MMP16: variants seen among roughly 807,000 people sequenced by gnomAD.
MMP16 encodes the protein matrix metalloproteinase-16.
MMP16 carries 12 observed loss-of-function variants against 67.8 expected under a neutral mutation model. The observed-to-expected ratio is 0.18, with a 90% CI of 0.11 to 0.29. The LOEUF (loss-of-function observed/expected upper bound fraction) is 0.29, where lower values mean the gene tolerates loss of function less well. Among genes scored for constraint, MMP16 ranks in the 10% least tolerant of loss-of-function variants. MMP16 has a pLI of 1.00. For synonymous variants in MMP16, 249 were observed against 255.9 expected, an observed-to-expected ratio of 0.97 and a Z score of 0.26; for missense variants, 475 against 765.7, an observed-to-expected ratio of 0.62 and a Z score of 4.48.
chr8:88,107,591 G>A (rs1189223265), intron 6 of MMP16, among the ~76,000 whole-genome samples: 2 of 151,204 alleles, frequency 1.3e-5, no homozygotes, highest in East Asian at 3.9e-4. Context: ...TTATTAGAGT[G>A]AATCTTTTAA....
intron 1 of MMP16, among the ~76,000 whole-genome samples, chr8:88,245,452 C>T (rs895889047): frequency 2.6e-5 from 4 of 152,156 alleles, no homozygotes; most frequent in South Asian, 2.1e-4. Flanking sequence ...GCTAGGCGCT[C>T]TGAGGCAGTC....
chr8:88,151,511 A>C (rs1470305977), intron 4 of MMP16, among the ~76,000 whole-genome samples: 1 of 147,568 alleles, frequency 6.8e-6, no homozygotes, highest in Admixed American at 6.8e-5. Flanking sequence ...ATAACAAACT[A>C]TCTCTCAGAC....
intron 1 of MMP16, among the ~76,000 whole-genome samples, chr8:88,306,063 G>A (rs1811207313): frequency 6.6e-6 from 1 of 151,400 alleles, no homozygotes; most frequent in Non-Finnish European, 1.5e-5. Context: ...AAAGAAAAGA[G>A]AGAAGAATCA....
chr8:88,303,029 T>C (rs1811128986), intron 1 of MMP16, among the ~76,000 whole-genome samples: 1 of 152,186 alleles, frequency 6.6e-6, no homozygotes, highest in African/African-American at 2.4e-5. Flanking sequence ...GATCCCTTCG[T>C]GAGCCCACGC....
chr8:88,178,743 A>C (rs1000330192), intron 3 of MMP16, among the ~76,000 whole-genome samples: 13 of 152,136 alleles, frequency 8.5e-5, no homozygotes, highest in Non-Finnish European at 1.8e-4. Flanking sequence ...ATTTGTAAGC[A>C]TGTAAAGTTT....
intron 6 of MMP16, among the ~76,000 whole-genome samples, chr8:88,102,356 T>C (rs908379249): frequency 5.3e-5 from 8 of 151,810 alleles, no homozygotes; most frequent in African/African-American, 1.7e-4. Flanking sequence ...GAGAAACACA[T>C]ACATTTACCA....
intron 1 of MMP16, among the ~76,000 whole-genome samples, chr8:88,283,210 A>G (rs143328844): frequency 1.2e-3 from 188 of 152,310 alleles, no homozygotes; most frequent in Non-Finnish European, 1.7e-3. Context: ...GACTTGCACG[A>G]TAAGAGATAA....
chr8:88,219,956 G>A (rs769044191), intron 1 of MMP16, among the ~76,000 whole-genome samples: 10 of 151,942 alleles, frequency 6.6e-5, no homozygotes, highest in Non-Finnish European at 1.2e-4. Flanking sequence ...TAGAAAGAAT[G>A]GTAAATGAAT....
intron 6 of MMP16, among the ~76,000 whole-genome samples, chr8:88,089,380 G>C (rs1462858234): frequency 1.3e-5 from 2 of 151,980 alleles, no homozygotes; most frequent in Admixed American, 6.6e-5. Context: ...CTTGGTAAAA[G>C]GGGAAATAAG....
chr8:88,214,978 T>C (rs555098769), intron 1 of MMP16, among the ~76,000 whole-genome samples: 2 of 152,254 alleles, frequency 1.3e-5, no homozygotes, highest in South Asian at 4.2e-4. Flanking sequence ...AAAGGTACCC[T>C]CAGATAATAA....
intron 1 of MMP16, among the ~76,000 whole-genome samples, chr8:88,227,159 C>T (rs1809783822): frequency 1.3e-5 from 2 of 151,836 alleles, no homozygotes; most frequent in African/African-American, 4.8e-5. Flanking sequence ...CTGTGTCTCA[C>T]AAAGGCAGCT....
intron 4 of MMP16, among the ~76,000 whole-genome samples, chr8:88,144,206 C>A (rs959126460): frequency 6.6e-6 from 1 of 151,792 alleles, no homozygotes; most frequent in Non-Finnish European, 1.5e-5. Flanking sequence ...GTCACTGTCC[C>A]GAATGAGTAA....
chr8:88,159,945 T>C (rs1003354835), intron 4 of MMP16, among the ~76,000 whole-genome samples: 8 of 151,300 alleles, frequency 5.3e-5, no homozygotes, highest in Non-Finnish European at 1.0e-4. Flanking sequence ...TATTGATTTG[T>C]TGTTTTTTTT....
At chr8:88,046,648 T>C (rs761144612) in intron 9 of MMP16, 21 bp downstream of exon 9, 21 of 1,467,786 alleles carry the variant, frequency 1.4e-5, no homozygotes, top group Non-Finnish European at 1.5e-5. Context: ...TTATGAAATG[T>C]AGAAAGCACA....
rs76448431 is a variant in MMP16 at position 88,247,546 on chromosome 8, C to T, written c.133-50240G>A. On this transcript the variant is annotated intron_variant, in intron 1 of 9. Coordinates refer to ENST00000286614, the MANE Select transcript of MMP16 (RefSeq NM_005941.5). ...AAAGGCTGACAGACTAGAGGATTCA[C>T]AGGGAATGAGGCTCGAGGGTTCACT... is the stretch of plus-strand genomic sequence containing the variant. Among the ~76,000 whole-genome samples, 1,358 of 152,078 alleles carry T rather than the reference C, an allele frequency of 8.9e-3. 19 individuals carry two copies. Among genetic ancestry groups the T allele is most frequent in the African/African-American group, 0.031 (1,298 of 41,506 alleles).
intron 3 of MMP16, among the ~76,000 whole-genome samples, chr8:88,173,823 T>TA (rs1323238689): frequency 6.6e-6 from 1 of 152,188 alleles, no homozygotes; most frequent in African/African-American, 2.4e-5. Context: ...AAACCTTCCT[T>TA]ACATTAAATA....
At chr8:88,145,379 G>A (rs1290282026) in intron 4 of MMP16, among the ~76,000 whole-genome samples, 1 of 151,736 alleles carries the variant, frequency 6.6e-6, no homozygotes, top group African/African-American at 2.4e-5. Flanking sequence ...AATCTTATGG[G>A]AACATTATCA....
intron 7 of MMP16, among the ~76,000 whole-genome samples, chr8:88,057,264 C>T (rs979841120): frequency 6.6e-6 from 1 of 152,062 alleles, no homozygotes; most frequent in Non-Finnish European, 1.5e-5. Context: ...GTTATTGTTT[C>T]CTAGGACTCT....
intron 7 of MMP16, among the ~76,000 whole-genome samples, chr8:88,063,585 CATTATATTGTT>C (rs1808428376): frequency 6.7e-6 from 1 of 150,036 alleles, no homozygotes; most frequent in African/African-American, 2.5e-5. Flanking sequence ...GATAGGAGTG[CATTATATTGTT>C]CAGATGTACC....
Sources: gnomAD v4.1 joint callset for allele counts (sites outside exome capture counted in the v4.1 genomes callset) on GRCh38, gnomAD v4.1.1 for gene constraint, MANE v1.5 for transcripts, NCBI Gene and HGNC (gene_info 2026-07-23, HGNC 2026-07-21) for gene names.